Variants in CELSR1 observed in about 807,000 individuals in gnomAD.
CELSR1 encodes the protein cadherin EGF LAG seven-pass G-type receptor 1, also known as adhesion G protein-coupled receptor C1.
In CELSR1, 110 loss-of-function variants were observed where a neutral mutation model predicts 249.1. The ratio of observed to expected loss-of-function variants is 0.44; its 90% CI spans 0.38 to 0.52. The LOEUF is 0.52. Ranked by LOEUF, CELSR1 falls within the 20% of genes least tolerant of loss-of-function variation. The pLI is 0.00. For synonymous variants in CELSR1, 2,113 were observed against 1,900.0 expected (o/e 1.11, Z -2.92); for missense variants, 4,109 against 4,296.4 (o/e 0.96, Z 1.22).
intron 1 of CELSR1, among the ~76,000 whole-genome samples, chr22:46,499,995 C>T (rs977152691): frequency 6.6e-5 from 10 of 152,296 alleles, no homozygotes; most frequent in Non-Finnish European, 1.3e-4. Context: ...CCATTTCCAC[C>T]CCATGCCTGG....
Position 46,365,821 on chromosome 22 carries a change from G to A in CELSR1, c.8301-132C>T, listed in dbSNP as rs567089760. ...AACAGCACAGACAAAACAGCCTCCC[G>A]AGTATGTGGGGGAAAGGTGGTGGGG... On this transcript the variant is annotated intron_variant, in intron 30 of 34. Transcript: ENST00000674500. 16 of 195,714 alleles carry A rather than the reference G, an allele frequency of 8.2e-5. No individual in the cohort carries two copies. The South Asian group carries it at 1.3e-3, about 16-fold the overall frequency. The allele number at this position is 195,714 out of a possible 1,614,324, so 12.1% of individuals were successfully genotyped here.
chr22:46,453,408 G>A (rs923723955), intron 2 of CELSR1, among the ~76,000 whole-genome samples: 9 of 152,174 alleles, frequency 5.9e-5, no homozygotes, highest in Non-Finnish European at 8.8e-5. Flanking sequence ...ACAGATCAAC[G>A]TCCAGAAAAA....
intron 5 of CELSR1, among the ~76,000 whole-genome samples, chr22:46,431,326 C>T (rs894125364): frequency 6.6e-6 from 1 of 152,216 alleles, no homozygotes; most frequent in African/African-American, 2.4e-5. Flanking sequence ...CTGCGAGTCC[C>T]TCTGCAACTG....
intron 1 of CELSR1, among the ~76,000 whole-genome samples, chr22:46,520,366 C>T (rs995571475): frequency 5.3e-5 from 8 of 152,192 alleles, no homozygotes; most frequent in Non-Finnish European, 8.8e-5. Flanking sequence ...CCTGCTCCCA[C>T]GCCTCCCACA....
intron 1 of CELSR1, among the ~76,000 whole-genome samples, chr22:46,493,269 G>T (rs2080384521): frequency 6.6e-6 from 1 of 151,952 alleles, no homozygotes; most frequent in South Asian, 2.1e-4. Flanking sequence ...AAACAGGCGG[G>T]GCGTGGTGGC....
Position 46,365,588 on chromosome 22 carries a change from G to C in CELSR1, c.8402C>G (p.Pro2801Arg). 6.3e-7 allele frequency: 1 copy of C among 1,587,518 alleles called. No homozygotes were observed. The highest frequency in any genetic ancestry group is 1.1e-5 in the South Asian group (1 of 87,310). The change falls in exon 31 of 35, where the codon CCT becomes CGT. Residue 2801 changes from proline to arginine, a missense_variant and splice_region_variant. Pro to Arg is a moderately radical substitution (Grantham distance 103, BLOSUM62 -2). Coordinates refer to ENST00000674500, the MANE Select transcript of CELSR1 (RefSeq NM_001378328.1). ...CTCCCCCTCCAGGGAAGCCATACCA[G>C]GGGGATCCTTGCAGCTCCTGGGCAT... is the stretch of plus-strand genomic sequence containing the variant. ...SLMPRSCKDP[P>R]GHDSDSDSEL...
At chr22:46,378,408 C>T (rs763004019) in intron 23 of CELSR1, among the ~76,000 whole-genome samples, 183 bp downstream of exon 23, 4 of 152,022 alleles carry the variant, frequency 2.6e-5, no homozygotes, top group Non-Finnish European at 5.9e-5. Context: ...GTGTTTTAAT[C>T]GGTTGATTTG....
intron 33 of CELSR1, 24 bp downstream of exon 33, chr22:46,364,488 T>C (rs2078743680): frequency 2.5e-6 from 4 of 1,595,932 alleles, no homozygotes; most frequent in Non-Finnish European, 3.4e-6. Context: ...AGCCTTTCAC[T>C]GCAGCCCCGG....
At chr22:46,502,880 A>G (rs1039296171) in intron 1 of CELSR1, among the ~76,000 whole-genome samples, 1 of 152,218 alleles carries the variant, frequency 6.6e-6, no homozygotes, top group African/African-American at 2.4e-5. Flanking sequence ...AAGAGGTGGT[A>G]CAGCCACTGC....
At chr22:46,420,134 A>G (rs1489524610) in intron 5 of CELSR1, among the ~76,000 whole-genome samples, 1 of 147,616 alleles carries the variant, frequency 6.8e-6, no homozygotes, top group African/African-American at 2.5e-5. Context: ...ACTCACATAT[A>G]CACTCACCCA....
intron 25 of CELSR1, 147 bp from the exon 26 acceptor site, chr22:46,369,951 G>C: frequency 1.4e-6 from 1 of 712,010 alleles, no homozygotes. Context: ...AGCCAGCCCA[G>C]GGCCCCTCCA....
At chr22:46,477,061 A>C (rs2080216154) in intron 1 of CELSR1, among the ~76,000 whole-genome samples, 1 of 152,220 alleles carries the variant, frequency 6.6e-6, no homozygotes, top group Admixed American at 6.5e-5. Flanking sequence ...CATTTCCTTC[A>C]AACCAAGCTG....
At position 46,533,683 on chromosome 22, in the gene CELSR1, C is replaced by A; in HGVS notation, c.3488G>T (p.Ser1163Ile). ...LDPATGELQL[S>I]RDLDNNRPLE... ...CGGCCGGTTGTTGTCCAGGTCGCGGCTGAGCTGCAGTTCGCCCGTGGCGGG... is the reference window on the plus strand; with the variant it reads ...CGGCCGGTTGTTGTCCAGGTCGCGGATGAGCTGCAGTTCGCCCGTGGCGGG... Residue 1163 changes from serine to isoleucine, a missense_variant, in exon 1 of 35, where the codon AGC becomes ATC. This residue lies in a region of CELSR1 where 886 missense variants were observed against 896.5 expected (regional missense o/e 0.99). Coordinates refer to ENST00000674500, the MANE Select transcript of CELSR1 (RefSeq NM_001378328.1). 1.2e-6 allele frequency: 2 copies of A among 1,609,192 alleles called. No homozygotes were observed. Among genetic ancestry groups the A allele is most frequent in the Non-Finnish European group, 1.7e-6 (2 of 1,178,954 alleles).
intron 32 of CELSR1, among the ~76,000 whole-genome samples, 197 bp from the exon 33 acceptor site, chr22:46,364,933 A>C (rs898255043): frequency 9.2e-5 from 14 of 152,192 alleles, no homozygotes; most frequent in African/African-American, 3.4e-4. Flanking sequence ...CCCCCGCCGC[A>C]TCTGTACCAG....
chr22:46,402,707 A>G lies in CELSR1; in HGVS notation c.5227-2805T>C, dbSNP rs2079221544. Among the ~76,000 whole-genome samples, 1 of 152,214 alleles carries G rather than the reference A, an allele frequency of 6.6e-6. No homozygotes were observed. The highest frequency in any genetic ancestry group is 1.5e-5 in the Non-Finnish European group (1 of 68,034). On this transcript the variant is annotated intron_variant, in intron 9 of 34. Coordinates refer to ENST00000674500, the MANE Select transcript of CELSR1 (RefSeq NM_001378328.1). The surrounding 1 kb of genome is among the most constrained non-coding windows in gnomAD (Gnocchi z 5.0). ...ACTGGGAACCACAAAACTTTCAAGG[A>G]AACAGACTCAGTGAGACAATTAGAC...
chr22:46,531,794 C>T (rs1490491570), intron 1 of CELSR1, among the ~76,000 whole-genome samples: 2 of 152,138 alleles, frequency 1.3e-5, no homozygotes, highest in East Asian at 1.9e-4. Flanking sequence ...TAAAGAAAAC[C>T]GCCTGCTGGA....
At position 46,502,961 on chromosome 22, in the gene CELSR1, G is replaced by A. The variant is rs540121853; in HGVS notation, c.3544+30666C>T. Among the ~76,000 whole-genome samples the A allele has an allele frequency of 1.3e-4, 20 of 152,290 alleles. No individual in the cohort carries two copies. In the South Asian group the frequency reaches 3.1e-3, roughly 24 times the overall value. ...TGCACCCCGGGAGCAGGTCCCCGCA[G>A]GCCACGGCACTCGGAGAGAAGATCA... On this transcript the variant is annotated intron_variant, in intron 1 of 34. Coordinates refer to ENST00000674500, the MANE Select transcript of CELSR1 (RefSeq NM_001378328.1).
At chr22:46,503,268 T>C (rs2080483478) in intron 1 of CELSR1, among the ~76,000 whole-genome samples, 4 of 152,224 alleles carry the variant, frequency 2.6e-5, no homozygotes, top group African/African-American at 9.6e-5. Flanking sequence ...AGCAGACCCT[T>C]TGCTGGGAGA....
In CELSR1 at chr22:46,534,845, G is replaced by A; in HGVS notation, c.2326C>T (p.Leu776=). ...DGTRSHTAHV[L]INVTDANTHR... The stretch of plus-strand genomic sequence containing the variant: ...GTGTTGGCATCAGTGACGTTGATTA[G>A]GACATGCGCAGTGTGCGACCGTGTG... The change falls in exon 1 of 35, where the codon CTA becomes TTA. Residue 776 remains leucine, a synonymous_variant. Coordinates refer to ENST00000674500, the MANE Select transcript of CELSR1 (RefSeq NM_001378328.1). The surrounding 1 kb of genome is among the most constrained non-coding windows in gnomAD (Gnocchi z 9.7). 6.2e-7 allele frequency: 1 copy of A among 1,612,992 alleles called. No individual in the cohort carries two copies. Among genetic ancestry groups the A allele is most frequent in the East Asian group, 2.2e-5 (1 of 44,876 alleles).
Sources: allele counts gnomAD v4.1 joint callset (sites outside exome capture counted in the v4.1 genomes callset), GRCh38; gene constraint gnomAD v4.1.1; regional missense constraint gnomAD v4.1.1; non-coding constraint Gnocchi (gnomAD v3.1); transcripts MANE v1.5; gene names NCBI Gene and HGNC (gene_info 2026-07-23, HGNC 2026-07-21).